Variants in SLC19A1 observed in about 807,000 individuals in gnomAD.
The protein encoded by SLC19A1 is solute carrier family 19 member 1.
SLC19A1 carries 37 observed loss-of-function variants against 35.3 expected under a neutral mutation model. The observed-to-expected ratio is 1.05, with a 90% CI of 0.81 to 1.38. The LOEUF (loss-of-function observed/expected upper bound fraction) is 1.38, where lower values mean the gene tolerates loss of function less well. SLC19A1 is among the 40% of genes most tolerant of loss of function. The probability of loss-of-function intolerance (pLI) is 0.00; values close to 1 mark genes in which losing one functional copy is unlikely to be tolerated. For missense variants in SLC19A1, 831 were observed against 826.9 expected (o/e 1.00, Z -0.06); for synonymous variants, 460 against 398.5 (o/e 1.15, Z -1.84).
chr21:45,537,742 G>T (rs779878814), intron 2 of SLC19A1, 29 bp downstream of exon 2: 8 of 189,726 alleles, frequency 4.2e-5, no homozygotes, highest in Non-Finnish European at 7.7e-5. Context: ...ACCCACAGGC[G>T]GCCGCCCGGC....
At chr21:45,508,758 C>T (rs374628482), downstream of SLC19A1, among the ~76,000 whole-genome samples, 4 of 152,250 alleles carry the variant, frequency 2.6e-5, no homozygotes, top group East Asian at 7.7e-4. Flanking sequence ...AGTCATGGCC[C>T]CTCCTGTGTG....
chr21:45,509,235 C>T (rs2037427325), downstream of SLC19A1: 14 of 1,356,512 alleles, frequency 1.0e-5, no homozygotes, highest in Admixed American at 2.9e-4. Context: ...GTCGGGGGCG[C>T]AGCTCCCTGC....
At position 45,530,651 on chromosome 21, in the gene SLC19A1, G is replaced by T; in HGVS notation, c.1151+119C>A. The T allele has an allele frequency of 9.3e-7, 1 of 1,071,908 alleles. No individual in the cohort carries two copies. The highest frequency in any genetic ancestry group is 1.3e-6 in the Non-Finnish European group (1 of 750,104). 66.4% of individuals were successfully genotyped at this position (1,071,908 alleles called of 1,614,324 possible). A position where few individuals can be genotyped will look rare whatever the true frequency, so the allele number is the denominator to read the frequency against. ...GACCCTGGTCAGCTCCAGGTGGCTG[G>T]CGGGGCCAGCAGTGGCACAGCCGCT... On this transcript the variant is annotated intron_variant, in intron 4 of 5. Transcript: ENST00000311124. The surrounding 1 kb of genome is among the most constrained non-coding windows in gnomAD (Gnocchi z 5.3).
At chr21:45,509,944 C>CGGAG (rs1295761328), downstream of SLC19A1, 2 of 1,196,998 alleles carry the variant, frequency 1.7e-6, no homozygotes, top group African/African-American at 3.0e-5. Context: ...TGCGCGCCTC[C>CGGAG]CGCTCAGCGC....
chr21:45,504,681 C>T (rs955046239), intron 3 of SLC19A1: 2 of 804,334 alleles, frequency 2.5e-6, no homozygotes, highest in South Asian at 1.6e-5. Flanking sequence ...CTCAGCAGCC[C>T]CGACATGTCC....
rs182844460 is a variant in SLC19A1 at position 45,504,105 on chromosome 21, G to A, written c.498-5493C>T. ...GGGCCCCCAAGGTCCTGTACATCCC[G>A]CTGGGTGGCTGCTCCCAATTTCTCG... On this transcript the variant is annotated intron_variant, in intron 3 of 4. Transcript: ENST00000417954. The A allele has an allele frequency of 4.7e-5, 74 of 1,582,886 alleles. No individual in the cohort carries two copies. In the South Asian group the frequency reaches 4.8e-4, roughly 10 times the overall value.
chr21:45,550,362 A>T (rs1291178925), intron 1 of SLC19A1, among the ~76,000 whole-genome samples: 1 of 152,162 alleles, frequency 6.6e-6, no homozygotes, highest in Admixed American at 6.5e-5. Flanking sequence ...CTCGTATGCC[A>T]GACCGCTTGG....
At chr21:45,503,252 C>T (rs752276906) in intron 3 of SLC19A1, among the ~76,000 whole-genome samples, 14 of 147,050 alleles carry the variant, frequency 9.5e-5, no homozygotes, top group East Asian at 6.0e-4. Flanking sequence ...TACTTTTTAA[C>T]GATCGCCATT....
At chr21:45,505,830 C>G in intron 3 of SLC19A1, 3 of 1,562,756 alleles carry the variant, frequency 1.9e-6, no homozygotes, top group Non-Finnish European at 2.6e-6. Flanking sequence ...TGCATTTGGT[C>G]CCAGCAGGTG....
chr21:45,504,066 C>T (rs975656637), intron 3 of SLC19A1: 2 of 1,613,484 alleles, frequency 1.2e-6, no homozygotes, highest in Non-Finnish European at 8.5e-7. Context: ...TGGGTGACCT[C>T]CCTGTGGGGT....
At chr21:45,545,200 C>T (rs1484866018), upstream of SLC19A1, among the ~76,000 whole-genome samples, 1 of 152,210 alleles carries the variant, frequency 6.6e-6, no homozygotes, top group Non-Finnish European at 1.5e-5. Context: ...TCTCTGTCCC[C>T]TCCAAATCTC....
At chr21:45,527,353 A>C (rs561457135) in intron 4 of SLC19A1, among the ~76,000 whole-genome samples, 21 of 145,996 alleles carry the variant, frequency 1.4e-4, no homozygotes, top group Non-Finnish European at 2.5e-4. Flanking sequence ...GGTGAGAGGC[A>C]GCCAGGCAGG....
At chr21:45,524,035 C>T (rs982151730) in intron 5 of SLC19A1, among the ~76,000 whole-genome samples, 1 of 152,160 alleles carries the variant, frequency 6.6e-6, no homozygotes, top group Non-Finnish European at 1.5e-5. Flanking sequence ...CACATTCACC[C>T]GTGGGCCTTG....
At chr21:45,525,990 G>GCTGGGAGAATAAGCAGCAGCCA in intron 4 of SLC19A1, 32 bp from the exon 5 acceptor site, 1 of 1,605,432 alleles carries the variant, frequency 6.2e-7, no homozygotes, top group Middle Eastern at 1.7e-4. Flanking sequence ...ATCAGGCGCT[G>GCTGGGAGAATAAGCAGCAGCCA]CTGGGAGAAT....
intron 3 of SLC19A1, chr21:45,504,102 C>T (rs754163411): frequency 3.1e-6 from 5 of 1,591,946 alleles, no homozygotes; most frequent in Non-Finnish European, 4.3e-6. Context: ...TCCTGTACAT[C>T]CCGCTGGGTG....
intron 3 of SLC19A1, chr21:45,502,860 C>G (rs1299219814): frequency 6.6e-6 from 1 of 152,204 alleles, no homozygotes; most frequent in African/African-American, 2.4e-5. Flanking sequence ...CTCAGCACGT[C>G]TCCCACGTAA....
chr21:45,518,055 C>A (rs2146220712), intron 5 of SLC19A1, among the ~76,000 whole-genome samples: 1 of 152,298 alleles, frequency 6.6e-6, no homozygotes, highest in African/African-American at 2.4e-5. Flanking sequence ...ACTAAGACAA[C>A]ACAGACAGTA....
intron 1 of SLC19A1, among the ~76,000 whole-genome samples, chr21:45,554,760 A>G (rs2078525474): frequency 6.6e-6 from 1 of 151,320 alleles, no homozygotes; most frequent in South Asian, 2.1e-4. Flanking sequence ...CTGCTGTGCT[A>G]TCATTTTTAC....
intron 4 of SLC19A1, among the ~76,000 whole-genome samples, chr21:45,527,512 G>C (rs2077679727): frequency 6.8e-6 from 1 of 147,210 alleles, no homozygotes; most frequent in Non-Finnish European, 1.5e-5. Flanking sequence ...CTGGAGGTGA[G>C]TGGCAGCCGG....
Sources: allele counts gnomAD v4.1 joint callset (sites outside exome capture counted in the v4.1 genomes callset), GRCh38; gene constraint gnomAD v4.1.1; non-coding constraint Gnocchi (gnomAD v3.1); transcripts MANE v1.5; gene names NCBI Gene and HGNC (gene_info 2026-07-23, HGNC 2026-07-21).